EIF2B3: variants seen among roughly 807,000 people sequenced by gnomAD.
The protein encoded by EIF2B3 is eukaryotic translation initiation factor 2B subunit gamma.
In EIF2B3, 20 loss-of-function variants were observed where a neutral mutation model predicts 54.1. That is an observed-to-expected ratio of 0.37 (90% confidence interval 0.26 to 0.54). The LOEUF is 0.54. EIF2B3 is among the 20% of genes least tolerant of loss of function. EIF2B3 has a pLI of 0.86. For synonymous variants in EIF2B3, 153 were observed against 188.1 expected (o/e 0.81, Z 1.52); for missense variants, 448 against 547.8 (o/e 0.82, Z 1.82).
intron 11 of EIF2B3, among the ~76,000 whole-genome samples, chr1:44,852,193 G>T (rs1022455976): frequency 6.7e-6 from 1 of 150,308 alleles, no homozygotes; most frequent in Non-Finnish European, 1.5e-5. Context: ...GGAACTCCTG[G>T]GCTCAAGTGA....
intron 6 of EIF2B3, among the ~76,000 whole-genome samples, chr1:44,891,776 G>C (rs1315465603): frequency 6.6e-6 from 1 of 152,160 alleles, no homozygotes; most frequent in Non-Finnish European, 1.5e-5. Flanking sequence ...AGTAAAGACA[G>C]TTATATGTAC....
intron 1 of EIF2B3, among the ~76,000 whole-genome samples, chr1:44,985,150 A>G (rs1452657722): frequency 6.6e-6 from 1 of 152,202 alleles, no homozygotes. Flanking sequence ...TATTTGCTTT[A>G]CTAGACAGAG....
At chr1:44,941,043 C>T (rs183752550) in intron 4 of EIF2B3, among the ~76,000 whole-genome samples, 4 of 151,876 alleles carry the variant, frequency 2.6e-5, no homozygotes, top group African/African-American at 2.4e-5. Context: ...CACGCCACCA[C>T]GCCCAGCTAA....
rs1360196456 is a variant in EIF2B3, at chr1:44,942,397, ATATATATATATATATATATATTT to A, written c.295-755_295-733del. ...TGATTTTATATATATATATATATAT[ATATATATATATATATATATATTT>A]TTTTTTTTTTTTTTTTTTTTTTTTC... On this transcript the variant is annotated intron_variant, in intron 3 of 11. Transcript: ENST00000360403. Among the ~76,000 whole-genome samples, 2 of 13,948 alleles carry A rather than the reference ATATATATATATATATATATATTT, an allele frequency of 1.4e-4. 1 individual carries two copies. Among genetic ancestry groups the A allele is most frequent in the South Asian group, 4.8e-3 (2 of 414 alleles). 9.2% of individuals were successfully genotyped at this position (13,948 alleles called of 152,430 possible). A position where few individuals can be genotyped will look rare whatever the true frequency, so the allele number is the denominator to read the frequency against.
intron 5 of EIF2B3, among the ~76,000 whole-genome samples, chr1:44,916,427 C>T (rs1436544225): frequency 6.6e-6 from 1 of 150,730 alleles, no homozygotes; most frequent in African/African-American, 2.4e-5. Context: ...AAGATCTCAC[C>T]ATATTGCCCA....
intron 3 of EIF2B3, among the ~76,000 whole-genome samples, chr1:44,947,125 T>A (rs974910718): frequency 6.6e-6 from 1 of 152,194 alleles, no homozygotes; most frequent in African/African-American, 2.4e-5. Context: ...CTACTCACTA[T>A]TCCAACAGTC....
intron 2 of EIF2B3, 123 bp from the exon 3 acceptor site, chr1:44,978,583 C>T: frequency 2.5e-6 from 2 of 794,402 alleles, no homozygotes; most frequent in East Asian, 3.0e-5. Context: ...ATTATTGTGC[C>T]TTTTCAATAT....
intron 5 of EIF2B3, among the ~76,000 whole-genome samples, chr1:44,906,870 G>A (rs1455581549): frequency 1.3e-5 from 2 of 152,068 alleles, no homozygotes; most frequent in South Asian, 2.1e-4. Flanking sequence ...TCTGAACACC[G>A]AGTCTATATA....
intron 6 of EIF2B3, among the ~76,000 whole-genome samples, chr1:44,884,922 C>T (rs1416886272): frequency 1.3e-5 from 2 of 152,226 alleles, no homozygotes; most frequent in Non-Finnish European, 1.5e-5. Flanking sequence ...CCCACCTCTG[C>T]TGGAGCTCAA....
chr1:44,878,021 A>T (rs1655255652), intron 8 of EIF2B3, among the ~76,000 whole-genome samples: 1 of 152,220 alleles, frequency 6.6e-6, no homozygotes, highest in Non-Finnish European at 1.5e-5. Flanking sequence ...ATGTGGACAC[A>T]GCGGTGCACC....
chr1:44,897,420 C>T lies in EIF2B3; in HGVS notation c.591G>A (p.Thr197=), dbSNP rs188705026. The T allele has an allele frequency of 6.3e-4, 1,018 of 1,612,762 alleles. 8 individuals carry two copies. Among genetic ancestry groups the T allele is most frequent in the South Asian group, 6.7e-4 (61 of 90,946 alleles). ...LQKHPRIRFH[T]GLVDAHLYCL... is the part of the protein sequence containing the mutation. ...AGTAGAGGTGGGCATCCACAAGACC[C>T]GTGTGGAAACGTATTCTAGGATGCC... is the stretch of plus-strand genomic sequence containing the variant. The change falls in exon 6 of 12, where the codon ACG becomes ACA. Residue 197 remains threonine, a synonymous_variant. Transcript: ENST00000360403.
At chr1:44,910,658 A>T (rs3125801) in intron 5 of EIF2B3, among the ~76,000 whole-genome samples, 10,259 of 34,426 alleles carry the variant, frequency 0.3, 1,134 homozygotes, top group East Asian at 0.38. Context: ...TTTTTTTTTT[A>T]AAAGAGAGAA....
intron 11 of EIF2B3, 50 bp from the exon 12 acceptor site, chr1:44,851,053 A>G (rs1189278682): frequency 5.7e-6 from 9 of 1,588,508 alleles, no homozygotes; most frequent in Non-Finnish European, 8.6e-7. Flanking sequence ...GCAAGATGAC[A>G]TTTCAAACCC....
intron 3 of EIF2B3, chr1:44,958,872 T>C (rs1206641503): frequency 2.3e-6 from 2 of 859,480 alleles, no homozygotes; most frequent in Non-Finnish European, 4.0e-6. Context: ...GGAACATCTC[T>C]ATCAAGAACA....
intron 10 of EIF2B3, among the ~76,000 whole-genome samples, chr1:44,860,547 A>C (rs1032336006): frequency 1.3e-4 from 20 of 152,224 alleles, no homozygotes; most frequent in African/African-American, 4.8e-4. Context: ...AGATTTAGAG[A>C]AGTTAAACCA....
intron 3 of EIF2B3, among the ~76,000 whole-genome samples, chr1:44,975,229 A>G (rs1004279530): frequency 6.6e-6 from 1 of 152,086 alleles, no homozygotes; most frequent in African/African-American, 2.4e-5. Context: ...AAAAAAAATC[A>G]TCACTGAAAA....
chr1:44,876,249 TAGG>T (rs1045676030), intron 8 of EIF2B3, among the ~76,000 whole-genome samples: 25 of 149,234 alleles, frequency 1.7e-4, no homozygotes, highest in Non-Finnish European at 3.3e-4. Context: ...CCATCCCATC[TAGG>T]AGGTGAGGAG....
chr1:44,926,720 A>G lies in EIF2B3; in HGVS notation c.474T>C (p.Ile158=), dbSNP rs960112442. 3 of 1,613,662 alleles carry G rather than the reference A, an allele frequency of 1.9e-6. No homozygotes were observed. Among genetic ancestry groups the G allele is most frequent in the Admixed American group, 1.7e-5 (1 of 59,988 alleles). ...KKKAVEQRDF[I]GVDSTGKRLL... is the part of the protein sequence containing the mutation. ...GCCTCTTTCCTGTGCTGTCCACTCC[A>G]ATGAAGTCACGCTGCTCCACTGAAT... Residue 158 remains isoleucine (I), a synonymous_variant, in exon 5 of 12, where the codon ATT becomes ATC. Transcript: ENST00000360403.
chr1:44,868,124 C>A (rs1318774024), intron 10 of EIF2B3, among the ~76,000 whole-genome samples: 2 of 151,918 alleles, frequency 1.3e-5, no homozygotes, highest in Non-Finnish European at 2.9e-5. Flanking sequence ...GTTGGCCGGG[C>A]GCAATGGCTC....
Sources: allele counts gnomAD v4.1 joint callset (sites outside exome capture counted in the v4.1 genomes callset), GRCh38; gene constraint gnomAD v4.1.1; transcripts MANE v1.5; gene names NCBI Gene and HGNC (gene_info 2026-07-23, HGNC 2026-07-21).